The following THSD7B variants were observed in gnomAD, a reference collection of about 807,000 sequenced individuals.
THSD7B encodes thrombospondin type 1 domain containing 7B.
In THSD7B, 138 loss-of-function variants were observed where a neutral mutation model predicts 213.6. That is an observed-to-expected ratio of 0.65 (90% confidence interval 0.56 to 0.74). THSD7B has a LOEUF of 0.74. THSD7B is among the 30% of genes least tolerant of loss of function. The probability of loss-of-function intolerance (pLI) is 0.00; values close to 1 mark genes in which losing one functional copy is unlikely to be tolerated. For missense variants in THSD7B, 1,931 were observed against 1,991.5 expected, an observed-to-expected ratio of 0.97 and a Z score of 0.58; for synonymous variants, 742 against 687.0, an observed-to-expected ratio of 1.08 and a Z score of -1.25.
chr2:137,322,476 C>G (rs1362801951), intron 12 of THSD7B, among the ~76,000 whole-genome samples: 4 of 152,124 alleles, frequency 2.6e-5, no homozygotes, highest in Non-Finnish European at 5.9e-5. Context: ...TTCAAGAAAT[C>G]CCATGAGGTG....
intron 2 of THSD7B, among the ~76,000 whole-genome samples, chr2:136,890,958 A>G (rs758774385): frequency 6.6e-6 from 1 of 151,888 alleles, no homozygotes; most frequent in Non-Finnish European, 1.5e-5. Context: ...CAATTTTTAG[A>G]TAATTTCCAT....
At chr2:136,988,118 C>G (rs1446042576) in intron 2 of THSD7B, among the ~76,000 whole-genome samples, 1 of 152,162 alleles carries the variant, frequency 6.6e-6, no homozygotes, top group Non-Finnish European at 1.5e-5. Context: ...GCCGTCTCCC[C>G]AGTGAGATTC....
intron 3 of THSD7B, among the ~76,000 whole-genome samples, chr2:137,092,690 G>A (rs751220441): frequency 2.0e-5 from 3 of 151,992 alleles, no homozygotes; most frequent in South Asian, 2.1e-4. Context: ...GCTGGAGTGC[G>A]GTGGTGCAGT....
intron 14 of THSD7B, among the ~76,000 whole-genome samples, chr2:137,422,943 A>G (rs554494700): frequency 4.6e-5 from 7 of 152,280 alleles, no homozygotes; most frequent in African/African-American, 1.7e-4. Context: ...ACCTTTCTAG[A>G]GAAGGCATTG....
intron 5 of THSD7B, among the ~76,000 whole-genome samples, chr2:137,139,309 T>A (rs974955642): frequency 6.6e-6 from 1 of 152,154 alleles, no homozygotes; most frequent in African/African-American, 2.4e-5. Flanking sequence ...TTCTTTTAGA[T>A]GGACATCTGA....
In THSD7B at chr2:137,513,322, A is replaced by G. The variant is rs969585380; in HGVS notation, c.3139-49899A>G. ...ATATCTGAAAGGGCATAATAAAGTG[A>G]GTTGTTAAAAAATTAATTACATTGC... On this transcript the variant is annotated intron_variant, in intron 15 of 27. Transcript: ENST00000409968. Among the ~76,000 whole-genome samples, 2 of 152,230 alleles carry G rather than the reference A, an allele frequency of 1.3e-5. 1 individual carries two copies. Among genetic ancestry groups the G allele is most frequent in the South Asian group, 4.1e-4 (2 of 4,834 alleles).
At chr2:137,497,212 GACACAC>G (rs58249868) in intron 15 of THSD7B, among the ~76,000 whole-genome samples, 1 of 150,198 alleles carries the variant, frequency 6.7e-6, no homozygotes, top group Non-Finnish European at 1.5e-5. Context: ...CACACACACA[GACACAC>G]ACACACACAC....
Position 137,347,787 on chromosome 2 carries a change from A to G in THSD7B, c.2501-57826A>G, listed in dbSNP as rs572040007. Among the ~76,000 whole-genome samples the G allele has an allele frequency of 3.3e-5, 5 of 151,612 alleles. No homozygotes were observed. The South Asian group carries it at 1.0e-3, about 31-fold the overall frequency. ...ACTTCTATGCTTAGGATATAAACTT[A>G]TACAGTGACTTAAGAGTTATTTACA... On this transcript the variant is annotated intron_variant, in intron 12 of 27. Transcript: ENST00000409968.
intron 1 of THSD7B, among the ~76,000 whole-genome samples, chr2:136,806,514 CAT>C (rs1558811395): frequency 6.6e-6 from 1 of 152,158 alleles, no homozygotes; most frequent in South Asian, 2.1e-4. Context: ...GAGTGAAAAA[CAT>C]ATTATATTCA....
chr2:137,557,467 G>T (rs1573706756), intron 15 of THSD7B, among the ~76,000 whole-genome samples: 8 of 152,190 alleles, frequency 5.3e-5, no homozygotes, highest in Admixed American at 5.2e-4. Flanking sequence ...AATGAATACT[G>T]GGTACATAAT....
chr2:136,944,847 G>T (rs1442427599), intron 2 of THSD7B, among the ~76,000 whole-genome samples: 1 of 151,174 alleles, frequency 6.6e-6, no homozygotes, highest in Admixed American at 6.6e-5. Context: ...TATCCAATTT[G>T]CCAGTCTGTG....
rs1448950063 is a variant in THSD7B at position 137,233,067 on chromosome 2, G to A, written c.2084G>A (p.Gly695Asp). 1.2e-6 allele frequency: 2 copies of A among 1,613,942 alleles called. No homozygotes were observed. The highest frequency in any genetic ancestry group is 2.2e-5 in the South Asian group (2 of 91,084). The change falls in exon 9 of 28, where the codon GGT (glycine) becomes GAT (aspartate). Residue 695 changes from glycine (G) to aspartate (D), a missense_variant. Transcript: ENST00000409968. ...TIGWNGEATCGVGIQTRRVFC... is the reference protein window; with the variant it reads ...TIGWNGEATCDVGIQTRRVFC... Reference sequence around the variant, plus strand: ...GGCTGGAATGGAGAAGCCACGTGTGGTGTAGGCATTCAGACTCGGAGAGTC... The same window carrying A: ...GGCTGGAATGGAGAAGCCACGTGTGATGTAGGCATTCAGACTCGGAGAGTC...
intron 21 of THSD7B, among the ~76,000 whole-genome samples, chr2:137,645,379 G>A (rs1310514932): frequency 1.3e-5 from 2 of 152,178 alleles, no homozygotes; most frequent in Non-Finnish European, 2.9e-5. Context: ...GAGAAAACCT[G>A]TGCCATTTAC....
intron 10 of THSD7B, among the ~76,000 whole-genome samples, chr2:137,250,328 A>G (rs1395206058): frequency 1.3e-5 from 2 of 152,192 alleles, no homozygotes; most frequent in Non-Finnish European, 2.9e-5. Context: ...ACATGATGGA[A>G]TGATTAAATC....
intron 20 of THSD7B, among the ~76,000 whole-genome samples, chr2:137,634,544 C>T (rs1159186268): frequency 9.2e-5 from 14 of 152,158 alleles, no homozygotes; most frequent in Admixed American, 9.2e-4. Flanking sequence ...TACATATATA[C>T]TTTGCCTGGG....
intron 2 of THSD7B, among the ~76,000 whole-genome samples, chr2:136,944,904 G>C (rs933466541): frequency 6.6e-6 from 1 of 151,980 alleles, no homozygotes; most frequent in African/African-American, 2.4e-5. Context: ...GGTTAATATT[G>C]TTATGTGTGA....
Position 137,094,924 on chromosome 2 carries a change from C to G in THSD7B, c.1002C>G (p.Pro334=). 1 of 1,613,796 alleles carries G rather than the reference C, an allele frequency of 6.2e-7. No homozygotes were observed. The highest frequency in any genetic ancestry group is 8.5e-7 in the Non-Finnish European group (1 of 1,179,836). Reference sequence around the variant, plus strand: ...TGACTGTTCAGTCCTGCATCATGCCCAAAGACTGTGAAACCTCCCAGTGGT... The same window carrying G: ...TGACTGTTCAGTCCTGCATCATGCCGAAAGACTGTGAAACCTCCCAGTGGT... ...FPLTVQSCIM[P]KDCETSQWSS... is the part of the protein sequence containing the mutation. The change falls in exon 4 of 28, where the codon CCC becomes CCG. Residue 334 remains proline (P), a synonymous_variant. Coordinates refer to ENST00000409968, the MANE Select transcript of THSD7B (RefSeq NM_001316349.2).
chr2:137,364,026 C>T (rs1449565150), intron 12 of THSD7B, among the ~76,000 whole-genome samples: 2 of 152,202 alleles, frequency 1.3e-5, no homozygotes, highest in African/African-American at 4.8e-5. Flanking sequence ...AGCAGCGCAT[C>T]AAAAAGCTTA....
At chr2:137,058,080 A>C (rs1461698582) in intron 3 of THSD7B, among the ~76,000 whole-genome samples, 3 of 152,214 alleles carry the variant, frequency 2.0e-5, no homozygotes, top group African/African-American at 7.2e-5. Context: ...AATCATTCTC[A>C]TCAGTTGCTG....
Sources: allele counts gnomAD v4.1 joint callset (sites outside exome capture counted in the v4.1 genomes callset), GRCh38; gene constraint gnomAD v4.1.1; transcripts MANE v1.5; gene names NCBI Gene and HGNC (gene_info 2026-07-23, HGNC 2026-07-21).